The following SCFD2 variants were observed in gnomAD, a reference collection of about 807,000 sequenced individuals.
The protein encoded by SCFD2 is sec1 family domain containing 2.
In SCFD2, 54 loss-of-function variants were observed where a neutral mutation model predicts 58.9. The ratio of observed to expected loss-of-function variants is 0.92; its 90% CI spans 0.74 to 1.15. The LOEUF is 1.15. Among genes scored for constraint, SCFD2 ranks in the 50% most tolerant of loss-of-function variants. The pLI is 0.00. For synonymous variants in SCFD2, 321 were observed against 335.9 expected (o/e 0.96, Z 0.49); for missense variants, 805 against 836.6 (o/e 0.96, Z 0.47).
At chr4:52,975,784 C>G (rs1721242208) in intron 5 of SCFD2, among the ~76,000 whole-genome samples, 1 of 152,226 alleles carries the variant, frequency 6.6e-6, no homozygotes, top group African/African-American at 2.4e-5. Flanking sequence ...AAATGTCCAA[C>G]AATGATAGAC....
chr4:53,118,844 A>G (rs1025936609), intron 5 of SCFD2, among the ~76,000 whole-genome samples: 4 of 150,444 alleles, frequency 2.7e-5, no homozygotes, highest in African/African-American at 9.8e-5. Flanking sequence ...GCATCTACGT[A>G]AAAAAAAAAT....
chr4:52,936,215 T>C (rs998960296), intron 5 of SCFD2, among the ~76,000 whole-genome samples: 1 of 152,142 alleles, frequency 6.6e-6, no homozygotes, highest in Non-Finnish European at 1.5e-5. Context: ...TGGGTAGTGA[T>C]GTAATTTATT....
At chr4:52,940,507 C>A (rs936723947) in intron 5 of SCFD2, among the ~76,000 whole-genome samples, 1 of 152,178 alleles carries the variant, frequency 6.6e-6, no homozygotes, top group African/African-American at 2.4e-5. Context: ...GTTTGACAAT[C>A]TAACTATAGA....
chr4:53,298,810 C>G (rs1354044292), intron 3 of SCFD2, among the ~76,000 whole-genome samples: 3 of 152,170 alleles, frequency 2.0e-5, no homozygotes, highest in African/African-American at 4.8e-5. Context: ...TCTGCAGCCA[C>G]CGCTGCTGAT....
At chr4:52,958,451 A>G (rs1409713694) in intron 5 of SCFD2, among the ~76,000 whole-genome samples, 2 of 152,196 alleles carry the variant, frequency 1.3e-5, no homozygotes, top group African/African-American at 4.8e-5. Context: ...ATGTTTTCTG[A>G]CGTTCCTTTC....
intron 5 of SCFD2, among the ~76,000 whole-genome samples, chr4:52,927,850 G>A (rs1719898043): frequency 6.6e-6 from 1 of 152,238 alleles, no homozygotes. Flanking sequence ...GTCAGGTGGA[G>A]GCTGGTTTAG....
At chr4:53,168,069 G>A (rs533657621) in intron 4 of SCFD2, among the ~76,000 whole-genome samples, 15 of 152,228 alleles carry the variant, frequency 9.9e-5, no homozygotes, top group African/African-American at 2.9e-4. Context: ...AGGAAAATCC[G>A]CATAGGCCAA....
At chr4:53,111,417 A>T (rs1725170615) in intron 5 of SCFD2, among the ~76,000 whole-genome samples, 1 of 152,146 alleles carries the variant, frequency 6.6e-6, no homozygotes, top group Admixed American at 6.6e-5. Flanking sequence ...AATTTCACTC[A>T]TTTCAATGTC....
At chr4:52,899,514 G>C (rs900133529) in intron 7 of SCFD2, among the ~76,000 whole-genome samples, 16 of 152,200 alleles carry the variant, frequency 1.1e-4, no homozygotes, top group Admixed American at 2.0e-4. Flanking sequence ...TCTGCGGAGA[G>C]ATCTGCTGTT....
intron 5 of SCFD2, among the ~76,000 whole-genome samples, chr4:53,139,422 C>T (rs1463766649): frequency 1.0e-5 from 1 of 96,396 alleles, no homozygotes; most frequent in Non-Finnish European, 2.8e-5. Context: ...GTCATCCTGT[C>T]TAGGAAGTGA....
At chr4:52,943,103 C>G (rs1035325035) in intron 5 of SCFD2, among the ~76,000 whole-genome samples, 2 of 152,120 alleles carry the variant, frequency 1.3e-5, no homozygotes, top group Admixed American at 6.6e-5. Context: ...GTATGCCTGA[C>G]ACAAGAAGGC....
At chr4:52,988,133 G>C (rs1721539781) in intron 5 of SCFD2, among the ~76,000 whole-genome samples, 1 of 152,200 alleles carries the variant, frequency 6.6e-6, no homozygotes, top group South Asian at 2.1e-4. Flanking sequence ...ATGTGAGGGA[G>C]AGAGAAGGAG....
intron 4 of SCFD2, among the ~76,000 whole-genome samples, chr4:53,234,872 G>C (rs1334674241): frequency 2.0e-5 from 3 of 152,208 alleles, no homozygotes; most frequent in Non-Finnish European, 4.4e-5. Flanking sequence ...CAAAATTACA[G>C]TGCCTTAAGC....
At chr4:53,209,055 A>G (rs1016133217) in intron 4 of SCFD2, among the ~76,000 whole-genome samples, 22 of 152,160 alleles carry the variant, frequency 1.4e-4, no homozygotes, top group Non-Finnish European at 1.5e-5. Context: ...AGGAGTTACC[A>G]GGACTTGGGA....
chr4:53,062,587 C>T (rs1723546437), intron 5 of SCFD2, among the ~76,000 whole-genome samples: 1 of 151,972 alleles, frequency 6.6e-6, no homozygotes, highest in Non-Finnish European at 1.5e-5. Flanking sequence ...GACTTACATA[C>T]CTACTAGCAG....
At chr4:53,238,206 G>T (rs537227358) in intron 4 of SCFD2, among the ~76,000 whole-genome samples, 4 of 139,010 alleles carry the variant, frequency 2.9e-5, no homozygotes, top group Admixed American at 7.0e-5. Flanking sequence ...CCTCCCGGAC[G>T]GGGCGGCTGG....
chr4:53,214,981 C>A (rs1454725092), intron 4 of SCFD2, among the ~76,000 whole-genome samples: 1 of 152,082 alleles, frequency 6.6e-6, no homozygotes, highest in African/African-American at 2.4e-5. Context: ...GGCGTTATTT[C>A]TGAGGGCTCT....
intron 2 of SCFD2, among the ~76,000 whole-genome samples, chr4:53,324,939 A>G (rs1378712234): frequency 6.6e-6 from 1 of 152,188 alleles, no homozygotes; most frequent in East Asian, 1.9e-4. Context: ...TCTTAGTCAA[A>G]TAAGGCCTAG....
intron 5 of SCFD2, chr4:52,950,472 A>G (rs1187492249): frequency 6.6e-6 from 1 of 152,366 alleles, no homozygotes; most frequent in East Asian, 1.9e-4. Flanking sequence ...ATGCTCAGAC[A>G]TGTTTGTAGG....
Sources: allele counts gnomAD v4.1 joint callset (sites outside exome capture counted in the v4.1 genomes callset), GRCh38; gene constraint gnomAD v4.1.1; transcripts MANE v1.5; gene names NCBI Gene and HGNC (gene_info 2026-07-23, HGNC 2026-07-21).